EBF2: variants seen among roughly 807,000 people sequenced by gnomAD.
EBF2 encodes EBF transcription factor 2.
A neutral mutation model predicts 72.8 loss-of-function variants in EBF2; 21 were observed. That is an observed-to-expected ratio of 0.29 (90% CI 0.20 to 0.42). The LOEUF (loss-of-function observed/expected upper bound fraction) is 0.42. EBF2 is among the 10% of genes least tolerant of loss of function. The pLI is 1.00. For missense variants in EBF2, 637 were observed against 731.2 expected (o/e 0.87, Z 1.49); for synonymous variants, 299 against 274.2 (o/e 1.09, Z -0.89).
At chr8:25,977,181 C>A (rs1489377286) in intron 6 of EBF2, among the ~76,000 whole-genome samples, 1 of 152,228 alleles carries the variant, frequency 6.6e-6, no homozygotes, top group Non-Finnish European at 1.5e-5. Flanking sequence ...CAGCTCTGTG[C>A]AAGGGAGAAG....
intron 10 of EBF2, among the ~76,000 whole-genome samples, chr8:25,874,967 G>A (rs1421332969): frequency 6.6e-6 from 1 of 151,582 alleles, no homozygotes; most frequent in African/African-American, 2.4e-5. Flanking sequence ...ATTTCAGGGG[G>A]GAACCATGGT....
chr8:25,859,794 G>A (rs972847895), intron 13 of EBF2, among the ~76,000 whole-genome samples: 2 of 150,276 alleles, frequency 1.3e-5, no homozygotes, highest in African/African-American at 4.9e-5. Context: ...ATGGCTCACT[G>A]CAGCTTCAAC....
chr8:25,956,216 C>T (rs551747119), intron 6 of EBF2, among the ~76,000 whole-genome samples: 10 of 152,026 alleles, frequency 6.6e-5, no homozygotes, highest in South Asian at 2.1e-4. Flanking sequence ...GTCGGGAGTT[C>T]GAGACCAGCC....
At chr8:25,889,543 C>T (rs1459441474) in intron 8 of EBF2, among the ~76,000 whole-genome samples, 1 of 151,938 alleles carries the variant, frequency 6.6e-6, no homozygotes, top group Admixed American at 6.6e-5. Flanking sequence ...GAGTGGGAGG[C>T]ATGAGGACTT....
At chr8:25,920,632 G>A (rs1043065009) in intron 6 of EBF2, among the ~76,000 whole-genome samples, 10 of 152,150 alleles carry the variant, frequency 6.6e-5, no homozygotes, top group African/African-American at 2.4e-4. Flanking sequence ...AGCTATGAGG[G>A]AGAAAGAAAT....
chr8:25,944,991 T>A (rs1803741664), intron 6 of EBF2, among the ~76,000 whole-genome samples: 1 of 151,992 alleles, frequency 6.6e-6, no homozygotes, highest in Non-Finnish European at 1.5e-5. Flanking sequence ...TTTTCAAAAG[T>A]AAAACAAAGC....
chr8:25,893,659 A>T (rs1054260015), intron 7 of EBF2, among the ~76,000 whole-genome samples: 2 of 152,080 alleles, frequency 1.3e-5, no homozygotes, highest in African/African-American at 4.8e-5. Context: ...GGAGGTAAAG[A>T]GCCTTCTCTC....
At chr8:25,900,220 C>A (rs1248728645) in intron 7 of EBF2, among the ~76,000 whole-genome samples, 4 of 152,282 alleles carry the variant, frequency 2.6e-5, no homozygotes, top group African/African-American at 9.6e-5. Context: ...ATTTGCGAAG[C>A]CAAGGCGAGT....
chr8:26,040,011 GA>G lies in EBF2; in HGVS notation c.482+16del. 2 of 1,612,680 alleles carry G rather than the reference GA, an allele frequency of 1.2e-6. No homozygotes were observed. The highest frequency in any genetic ancestry group is 1.7e-6 in the Non-Finnish European group (2 of 1,179,000). ...CTGCGGGCTCTCCAGGAAGGCCTGG[GA>G]AAAGGCGGCTCTTACCTACACATCA... On this transcript the variant is annotated intron_variant, in intron 5 of 15. Transcript: ENST00000520164.
chr8:25,985,150 C>T (rs1044729165), intron 6 of EBF2, among the ~76,000 whole-genome samples: 3 of 152,174 alleles, frequency 2.0e-5, no homozygotes, highest in African/African-American at 2.4e-5. Context: ...TAACTCAAGC[C>T]TCCAACGTCT....
At chr8:25,972,983 A>G (rs140084927) in intron 6 of EBF2, among the ~76,000 whole-genome samples, 194 of 142,744 alleles carry the variant, frequency 1.4e-3, no homozygotes, top group Middle Eastern at 0.011. Flanking sequence ...GTCCCACTCC[A>G]AGAGCGGGAG....
chr8:26,014,858 C>T (rs968146363), intron 6 of EBF2, among the ~76,000 whole-genome samples: 2 of 152,206 alleles, frequency 1.3e-5, no homozygotes, highest in Non-Finnish European at 2.9e-5. Context: ...CCTAATCAAC[C>T]ATTTGCCCTT....
At chr8:25,844,668 A>G (rs750142549) in intron 15 of EBF2, 28 bp from the exon 16 acceptor site, 1 of 1,613,712 alleles carries the variant, frequency 6.2e-7, no homozygotes, top group South Asian at 1.1e-5. Context: ...CACAGGAATG[A>G]GACTTGGGGA....
intron 7 of EBF2, among the ~76,000 whole-genome samples, chr8:25,896,912 C>T (rs915027179): frequency 3.3e-5 from 5 of 152,164 alleles, no homozygotes; most frequent in Non-Finnish European, 5.9e-5. Context: ...ATTTTCAAGC[C>T]AGATTTAAGG....
intron 6 of EBF2, among the ~76,000 whole-genome samples, chr8:26,024,689 T>C (rs568364088): frequency 6.6e-6 from 1 of 152,272 alleles, no homozygotes; most frequent in African/African-American, 2.4e-5. Flanking sequence ...TGAATTAATA[T>C]CTATGGAGTG....
chr8:25,853,634 C>T (rs1329071342), intron 14 of EBF2, among the ~76,000 whole-genome samples: 3 of 152,014 alleles, frequency 2.0e-5, no homozygotes, highest in South Asian at 4.1e-4. Context: ...CTAATTCAAT[C>T]TCTAGAAATT....
At chr8:26,012,219 G>A (rs986754773) in intron 6 of EBF2, among the ~76,000 whole-genome samples, 5 of 152,058 alleles carry the variant, frequency 3.3e-5, no homozygotes, top group Admixed American at 2.6e-4. Flanking sequence ...AAAAGCCACA[G>A]GTAGAACATA....
chr8:25,879,484 G>C (rs1217044569), intron 10 of EBF2, among the ~76,000 whole-genome samples: 9 of 152,170 alleles, frequency 5.9e-5, no homozygotes, highest in Non-Finnish European at 1.0e-4. Flanking sequence ...TCCTGCAGTA[G>C]TATCTTAGAT....
chr8:25,921,186 T>C (rs1803301589), intron 6 of EBF2, among the ~76,000 whole-genome samples: 1 of 152,220 alleles, frequency 6.6e-6, no homozygotes, highest in Admixed American at 6.5e-5. Context: ...CACTTTCAGA[T>C]GCATTTGCCA....
Sources: allele counts gnomAD v4.1 joint callset (sites outside exome capture counted in the v4.1 genomes callset), GRCh38; gene constraint gnomAD v4.1.1; transcripts MANE v1.5; gene names NCBI Gene and HGNC (gene_info 2026-07-23, HGNC 2026-07-21).